Variants in ARHGAP10 observed in about 807,000 individuals in gnomAD.
ARHGAP10 encodes rho GTPase-activating protein 10.
In ARHGAP10, 87 loss-of-function variants were observed where a neutral mutation model predicts 108.6. The observed-to-expected ratio is 0.80, with a 90% CI of 0.67 to 0.96. ARHGAP10 has a LOEUF of 0.96. ARHGAP10 is among the 40% of genes least tolerant of loss of function. The probability of loss-of-function intolerance (pLI) is 0.00; values close to 1 mark genes in which losing one functional copy is unlikely to be tolerated. For synonymous variants in ARHGAP10, 347 were observed against 341.1 expected, an observed-to-expected ratio of 1.02 and a Z score of -0.19; for missense variants, 939 against 954.5, an observed-to-expected ratio of 0.98 and a Z score of 0.21.
chr4:148,025,602 A>C (rs1741735945), intron 19 of ARHGAP10, among the ~76,000 whole-genome samples: 2 of 152,026 alleles, frequency 1.3e-5, no homozygotes, highest in Admixed American at 6.5e-5. Flanking sequence ...CTAAAAAAAA[A>C]AGAAAAGTGA....
intron 12 of ARHGAP10, among the ~76,000 whole-genome samples, chr4:147,912,001 G>GTC (rs1736761445): frequency 5.2e-5 from 1 of 19,170 alleles, no homozygotes; most frequent in African/African-American, 5.9e-5. Context: ...TCACGTGTGT[G>GTC]TGTGTGTGTG....
At chr4:147,877,850 A>G (rs1176553016) in intron 8 of ARHGAP10, among the ~76,000 whole-genome samples, 1 of 142,192 alleles carries the variant, frequency 7.0e-6, no homozygotes, top group East Asian at 2.0e-4. Context: ...GATTACAGGC[A>G]TGAGCCACGA....
At chr4:147,948,224 T>C (rs1738462696) in intron 15 of ARHGAP10, among the ~76,000 whole-genome samples, 1 of 152,144 alleles carries the variant, frequency 6.6e-6, no homozygotes, top group Non-Finnish European at 1.5e-5. Context: ...CCTGCCACTT[T>C]TTAAAGATAA....
chr4:147,827,543 C>A (rs1217367793), intron 3 of ARHGAP10, among the ~76,000 whole-genome samples: 1 of 151,820 alleles, frequency 6.6e-6, no homozygotes, highest in East Asian at 1.9e-4. Context: ...CAGCAGAGGG[C>A]CTTTGTATAG....
intron 18 of ARHGAP10, among the ~76,000 whole-genome samples, chr4:148,020,539 G>GTTTTTTTTT (rs151004924): frequency 2.1e-5 from 3 of 146,318 alleles, no homozygotes. Flanking sequence ...GAGAACATGC[G>GTTTTTTTTT]TTTTTTGTTT....
intron 1 of ARHGAP10, among the ~76,000 whole-genome samples, chr4:147,804,821 G>T (rs887339325): frequency 6.6e-6 from 1 of 152,034 alleles, no homozygotes; most frequent in Non-Finnish European, 1.5e-5. Flanking sequence ...ACTTTTTAAT[G>T]AGGTTGTTTT....
intron 3 of ARHGAP10, among the ~76,000 whole-genome samples, chr4:147,846,135 A>G (rs1733620510): frequency 6.6e-6 from 1 of 152,196 alleles, no homozygotes. Context: ...GAAACTGAGC[A>G]TCCTGAATGT....
At chr4:147,862,937 TATG>T (rs1734388831) in intron 5 of ARHGAP10, 1 of 152,192 alleles carries the variant, frequency 6.6e-6, no homozygotes, top group Non-Finnish European at 1.5e-5. Context: ...GGCACAAAAA[TATG>T]ATTCAGATGA....
chr4:147,854,578 A>G (rs1734014186), intron 4 of ARHGAP10: 1 of 378,402 alleles, frequency 2.6e-6, no homozygotes, highest in Non-Finnish European at 3.6e-6. Flanking sequence ...TTACATTTAT[A>G]TATTTTTTTC....
chr4:147,742,476 C>CTTTTTTTTTTT (rs11420720), intron 1 of ARHGAP10, among the ~76,000 whole-genome samples: 3 of 86,528 alleles, frequency 3.5e-5, no homozygotes, highest in Admixed American at 1.9e-4. Context: ...TCTGTGAACA[C>CTTTTTTTTTTT]TTTTTTTTTT....
intron 7 of ARHGAP10, among the ~76,000 whole-genome samples, chr4:147,871,474 G>A (rs915135700): frequency 1.8e-4 from 27 of 152,062 alleles, no homozygotes; most frequent in African/African-American, 6.0e-4. Flanking sequence ...CTTTCAATCA[G>A]ATTTAAAATA....
chr4:147,755,146 A>G (rs1729315783), intron 1 of ARHGAP10, among the ~76,000 whole-genome samples: 1 of 152,116 alleles, frequency 6.6e-6, no homozygotes, highest in African/African-American at 2.4e-5. Flanking sequence ...TAAGGATATA[A>G]TAAAAGCAAA....
chr4:147,963,727 G>T (rs1365188930), intron 16 of ARHGAP10, among the ~76,000 whole-genome samples: 2 of 152,166 alleles, frequency 1.3e-5, no homozygotes, highest in African/African-American at 4.8e-5. Context: ...CAAGACGTTG[G>T]GAGGGCCGTG....
chr4:148,019,976 A>C (rs770466484), intron 18 of ARHGAP10, among the ~76,000 whole-genome samples: 1 of 151,812 alleles, frequency 6.6e-6, no homozygotes, highest in Non-Finnish European at 1.5e-5. Flanking sequence ...ATGAATTTCA[A>C]TTTTTTTTGA....
Position 147,879,293 on chromosome 4 carries a change from G to A in ARHGAP10, c.894G>A (p.Lys298=). The change falls in exon 9 of 23, where the codon AAG becomes AAA. Residue 298 remains lysine (K), a synonymous_variant. Coordinates refer to ENST00000336498, the MANE Select transcript of ARHGAP10 (RefSeq NM_024605.4). ...ATTGCATGTATCGAAAAGCAGCAAA[G>A]AAGTTCAACATGATCCCATTTGAGC... The part of the protein sequence containing the change: ...KHYCMYRKAA[K]KFNMIPFEHR... 6.2e-7 allele frequency: 1 copy of A among 1,614,102 alleles called. No homozygotes were observed. The highest frequency in any genetic ancestry group is 8.5e-7 in the Non-Finnish European group (1 of 1,179,970).
intron 3 of ARHGAP10, among the ~76,000 whole-genome samples, chr4:147,827,207 G>C (rs17023919): frequency 0.095 from 14,218 of 150,000 alleles, 701 homozygotes; most frequent in East Asian, 0.16. Context: ...TGGAATCACT[G>C]TGGCTACCTT....
intron 1 of ARHGAP10, among the ~76,000 whole-genome samples, chr4:147,752,325 C>G (rs1012531246): frequency 2.0e-5 from 3 of 152,000 alleles, no homozygotes; most frequent in African/African-American, 7.3e-5. Context: ...AATTTTCTAT[C>G]AAGTGATAGA....
intron 18 of ARHGAP10, among the ~76,000 whole-genome samples, chr4:148,008,859 T>C (rs1012968433): frequency 2.6e-5 from 4 of 152,236 alleles, no homozygotes; most frequent in African/African-American, 7.2e-5. Context: ...AATTAAAACA[T>C]TGAATGCAGA....
rs1739552526 is a variant in ARHGAP10 at position 147,975,333 on chromosome 4, C to T, written c.1716+8494C>T. Among the ~76,000 whole-genome samples the T allele has an allele frequency of 2.6e-5, 4 of 152,110 alleles. No individual in the cohort carries two copies. The South Asian group carries it at 8.3e-4, about 32-fold the overall frequency. Reference sequence around the variant, plus strand: ...TTGTTTGTAACATGTGCTTCAAAGTCCCCGAGTAGTGTGTGTCCTCCAGTC... The same window carrying T: ...TTGTTTGTAACATGTGCTTCAAAGTTCCCGAGTAGTGTGTGTCCTCCAGTC... On this transcript the variant is annotated intron_variant, in intron 18 of 22. Transcript: ENST00000336498.
Sources: allele counts gnomAD v4.1 joint callset (sites outside exome capture counted in the v4.1 genomes callset), GRCh38; gene constraint gnomAD v4.1.1; transcripts MANE v1.5; gene names NCBI Gene and HGNC (gene_info 2026-07-23, HGNC 2026-07-21).